ST7: variants seen among roughly 807,000 people sequenced by gnomAD.
ST7 encodes the protein suppressor of tumorigenicity 7 protein.
A neutral mutation model predicts 78.7 loss-of-function variants in ST7; 28 were observed. The observed-to-expected ratio is 0.36, with a 90% CI of 0.26 to 0.49. The LOEUF is 0.49. Among genes scored for constraint, ST7 ranks in the 20% least tolerant of loss-of-function variants. ST7 has a pLI of 0.99. For missense variants in ST7, 418 were observed against 696.0 expected, an observed-to-expected ratio of 0.60 and a Z score of 4.49; for synonymous variants, 247 against 249.6, an observed-to-expected ratio of 0.99 and a Z score of 0.10.
At chr7:117,154,320 A>G (rs749023129) in intron 9 of ST7, among the ~76,000 whole-genome samples, 11 of 152,180 alleles carry the variant, frequency 7.2e-5, no homozygotes, top group East Asian at 1.9e-4. Context: ...CAGGACCTGG[A>G]TCTTGGACCT....
chr7:117,188,880 A>G (rs1809523420), intron 10 of ST7, among the ~76,000 whole-genome samples: 1 of 152,190 alleles, frequency 6.6e-6, no homozygotes, highest in Admixed American at 6.5e-5. Context: ...AGAATCATTC[A>G]TTTGGCTAAG....
At chr7:117,105,973 G>GT (rs367629607) in intron 2 of ST7, among the ~76,000 whole-genome samples, 3 of 150,840 alleles carry the variant, frequency 2.0e-5, no homozygotes, top group Non-Finnish European at 4.4e-5. Context: ...AAAAGGAAAT[G>GT]TTTTTTGTTT....
chr7:117,056,751 A>G (rs887458501), intron 1 of ST7, among the ~76,000 whole-genome samples: 4 of 152,214 alleles, frequency 2.6e-5, no homozygotes, highest in African/African-American at 4.8e-5. Flanking sequence ...AATATAGCCA[A>G]TCTATTGACT....
chr7:117,112,097 T>C (rs552347195), intron 2 of ST7, among the ~76,000 whole-genome samples: 1 of 151,494 alleles, frequency 6.6e-6, no homozygotes, highest in African/African-American at 2.4e-5. Flanking sequence ...TATATGCATG[T>C]GTGTGTGTGT....
chr7:117,106,405 G>C (rs1801968114), intron 2 of ST7, among the ~76,000 whole-genome samples: 1 of 151,892 alleles, frequency 6.6e-6, no homozygotes, highest in Non-Finnish European at 1.5e-5. Context: ...TTCAAAGCTT[G>C]TTTATTTTTA....
At chr7:117,021,090 A>G (rs1057221634) in intron 1 of ST7, among the ~76,000 whole-genome samples, 1 of 152,200 alleles carries the variant, frequency 6.6e-6, no homozygotes, top group Non-Finnish European at 1.5e-5. Flanking sequence ...CATAGACATT[A>G]TAGGTAGATT....
intron 1 of ST7, among the ~76,000 whole-genome samples, chr7:117,075,444 T>C (rs1336377050): frequency 1.3e-5 from 2 of 152,138 alleles, no homozygotes; most frequent in Non-Finnish European, 2.9e-5. Flanking sequence ...GTTTCTTTGC[T>C]CCCAAATTAA....
chr7:117,136,070 T>C lies in ST7; in HGVS notation c.711-11T>C. 6.2e-7 allele frequency: 1 copy of C among 1,612,192 alleles called. No homozygotes were observed. The highest frequency in any genetic ancestry group is 8.5e-7 in the Non-Finnish European group (1 of 1,178,854). ...TTTGTAATTGATGGTGGCTATTATC[T>C]GAATGAACAGGTGTGCAACTGCTTA... On this transcript the variant is annotated splice_polypyrimidine_tract_variant and intron_variant, in intron 7 of 15. Coordinates refer to ENST00000323984, the MANE Select transcript of ST7 (RefSeq NM_001369598.1).
intron 1 of ST7, among the ~76,000 whole-genome samples, chr7:116,996,082 G>A (rs1465894511): frequency 3.8e-5 from 5 of 130,296 alleles, no homozygotes; most frequent in African/African-American, 5.7e-5. Context: ...CAGATTCCCC[G>A]TTTTTTTTTT....
intron 1 of ST7, among the ~76,000 whole-genome samples, chr7:117,052,904 A>C (rs114545781): frequency 0.024 from 3,726 of 152,276 alleles, 136 homozygotes; most frequent in African/African-American, 0.085. Flanking sequence ...AAAAAACAAA[A>C]AAACAAACAA....
chr7:117,088,872 A>C (rs1406676948), intron 1 of ST7, among the ~76,000 whole-genome samples: 1 of 152,198 alleles, frequency 6.6e-6, no homozygotes, highest in Non-Finnish European at 1.5e-5. Flanking sequence ...CTACAGTGAC[A>C]CTGCACCTTG....
At chr7:117,082,053 A>G (rs1288908265) in intron 1 of ST7, among the ~76,000 whole-genome samples, 2 of 152,238 alleles carry the variant, frequency 1.3e-5, no homozygotes, top group African/African-American at 2.4e-5. Context: ...TTTCTTTATC[A>G]GAGAAGCCTC....
chr7:116,958,401 A>AT (rs1792640736), intron 1 of ST7, among the ~76,000 whole-genome samples: 1 of 151,896 alleles, frequency 6.6e-6, no homozygotes, highest in South Asian at 2.1e-4. Context: ...CAGTTTTGGC[A>AT]TTTTTTCATG....
chr7:117,215,213 T>C (rs1415147681), intron 13 of ST7, among the ~76,000 whole-genome samples: 1 of 152,150 alleles, frequency 6.6e-6, no homozygotes, highest in Non-Finnish European at 1.5e-5. Context: ...CCCAGCCTTT[T>C]GACTTTTGAA....
chr7:117,037,485 A>G (rs1415299765), intron 1 of ST7, among the ~76,000 whole-genome samples: 2 of 152,220 alleles, frequency 1.3e-5, no homozygotes, highest in African/African-American at 4.8e-5. Flanking sequence ...TTTCTTTCAG[A>G]ATTGAGATAC....
intron 2 of ST7, among the ~76,000 whole-genome samples, chr7:117,107,603 CTTTTTTTT>C (rs71528121): frequency 5.4e-5 from 4 of 73,582 alleles, no homozygotes; most frequent in African/African-American, 1.2e-4. Context: ...TAGCCCACTT[CTTTTTTTT>C]TTTTTTTTTT....
intron 1 of ST7, chr7:116,958,556 T>G (rs956897491): frequency 6.2e-5 from 29 of 469,032 alleles, no homozygotes; most frequent in Non-Finnish European, 1.1e-4. Context: ...TAAAATGTTC[T>G]TCCCTATCTG....
At chr7:117,160,497 T>C (rs917813170) in intron 9 of ST7, among the ~76,000 whole-genome samples, 3 of 151,870 alleles carry the variant, frequency 2.0e-5, no homozygotes, top group Non-Finnish European at 4.4e-5. Context: ...GTGGTGCTGC[T>C]CTTGACTTCT....
chr7:117,090,254 GACACACACAC>G (rs10537016), intron 1 of ST7, among the ~76,000 whole-genome samples: 1 of 148,850 alleles, frequency 6.7e-6, no homozygotes, highest in Non-Finnish European at 1.5e-5. Flanking sequence ...CACACACACA[GACACACACAC>G]ACACACACAC....
Sources: gnomAD v4.1 joint callset for allele counts (sites outside exome capture counted in the v4.1 genomes callset) on GRCh38, gnomAD v4.1.1 for gene constraint, MANE v1.5 for transcripts, NCBI Gene and HGNC (gene_info 2026-07-23, HGNC 2026-07-21) for gene names.